Variants in RAP1A observed in about 807,000 individuals in gnomAD.
RAP1A encodes ras-related protein Rap-1A.
RAP1A carries 6 observed loss-of-function variants against 26.4 expected under a neutral mutation model. The observed-to-expected ratio is 0.23, with a 90% CI of 0.12 to 0.45. The LOEUF (loss-of-function observed/expected upper bound fraction) is 0.45. Ranked by LOEUF, RAP1A falls within the 20% of genes least tolerant of loss-of-function variation. The pLI is 0.99. For synonymous variants in RAP1A, 73 were observed against 79.4 expected, an observed-to-expected ratio of 0.92 and a Z score of 0.43; for missense variants, 121 against 217.2, an observed-to-expected ratio of 0.56 and a Z score of 2.78.
chr1:111,695,431 C>G, intron 3 of RAP1A, 22 bp downstream of exon 3: 4 of 1,479,308 alleles, frequency 2.7e-6, no homozygotes, highest in Non-Finnish European at 3.6e-6. Flanking sequence ...AACTTGTACA[C>G]ACATGCTTAC....
At chr1:111,707,860 G>A (rs4484921) in intron 6 of RAP1A, among the ~76,000 whole-genome samples, 2,832 of 152,280 alleles carry the variant, frequency 0.019, 37 homozygotes, top group Non-Finnish European at 0.026. Context: ...ATCCAAAAAT[G>A]AATCCACAAG....
At chr1:111,586,880 G>A (rs189719403) in intron 1 of RAP1A, among the ~76,000 whole-genome samples, 2 of 152,220 alleles carry the variant, frequency 1.3e-5, no homozygotes, top group Admixed American at 6.5e-5. Context: ...AAATCATGGC[G>A]ACCCAACCTT....
chr1:111,710,833 A>C (rs1003399423), intron 7 of RAP1A, among the ~76,000 whole-genome samples: 2 of 151,406 alleles, frequency 1.3e-5, no homozygotes, highest in Admixed American at 1.3e-4. Flanking sequence ...TAATTCAATA[A>C]CTTTTTTTCT....
chr1:111,667,208 C>G (rs1241010221), intron 1 of RAP1A, among the ~76,000 whole-genome samples: 2 of 152,088 alleles, frequency 1.3e-5, no homozygotes, highest in Non-Finnish European at 2.9e-5. Flanking sequence ...CGGTTCTTTG[C>G]TCAGGTCATT....
At chr1:111,647,217 A>C (rs1660098591) in intron 1 of RAP1A, among the ~76,000 whole-genome samples, 1 of 152,206 alleles carries the variant, frequency 6.6e-6, no homozygotes. Context: ...GCATATGTAC[A>C]TAATCTAGCT....
At chr1:111,668,146 C>T (rs758586761) in intron 1 of RAP1A, among the ~76,000 whole-genome samples, 125 of 152,332 alleles carry the variant, frequency 8.2e-4, no homozygotes, top group African/African-American at 2.1e-3. Flanking sequence ...ATCTAAATCA[C>T]ACTTTTTGGG....
At chr1:111,570,274 T>C (rs1328259585) in intron 1 of RAP1A, among the ~76,000 whole-genome samples, 2 of 152,172 alleles carry the variant, frequency 1.3e-5, no homozygotes, top group Non-Finnish European at 2.9e-5. Context: ...CTGAGAATCA[T>C]AGAGTGAAAA....
At chr1:111,699,454 T>A (rs1661944968) in intron 4 of RAP1A, among the ~76,000 whole-genome samples, 1 of 128,760 alleles carries the variant, frequency 7.8e-6, no homozygotes, top group Non-Finnish European at 1.6e-5. Flanking sequence ...TTTATCCATC[T>A]CACTTCCTCT....
At chr1:111,587,163 G>C (rs1658384943) in intron 1 of RAP1A, among the ~76,000 whole-genome samples, 1 of 152,150 alleles carries the variant, frequency 6.6e-6, no homozygotes, top group South Asian at 2.1e-4. Context: ...CTGCATCCAG[G>C]TGGCTACAAG....
chr1:111,588,209 T>C (rs528635763), intron 1 of RAP1A, among the ~76,000 whole-genome samples: 96 of 152,326 alleles, frequency 6.3e-4, no homozygotes, highest in Non-Finnish European at 1.2e-3. Flanking sequence ...ACACATCTGA[T>C]TGGTTACTTA....
chr1:111,567,330 GA>G (rs1657943257), intron 1 of RAP1A, among the ~76,000 whole-genome samples: 1 of 152,196 alleles, frequency 6.6e-6, no homozygotes, highest in South Asian at 2.1e-4. Flanking sequence ...ACACTAGGTA[GA>G]AAATAGGTTT....
At chr1:111,669,968 A>G (rs1175284666) in intron 1 of RAP1A, among the ~76,000 whole-genome samples, 1 of 152,224 alleles carries the variant, frequency 6.6e-6, no homozygotes, top group Admixed American at 6.5e-5. Context: ...AGAAATCAAA[A>G]GACAGTAGAA....
At chr1:111,598,735 G>A (rs945112632) in intron 1 of RAP1A, among the ~76,000 whole-genome samples, 3 of 152,042 alleles carry the variant, frequency 2.0e-5, no homozygotes, top group African/African-American at 7.2e-5. Context: ...GCAAGCAAGC[G>A]AGCAGTTCTG....
intron 1 of RAP1A, among the ~76,000 whole-genome samples, chr1:111,635,232 C>A (rs1001781407): frequency 1.3e-5 from 2 of 152,132 alleles, no homozygotes; most frequent in Non-Finnish European, 2.9e-5. Flanking sequence ...CCTTTTGATT[C>A]TTCTAACTCA....
chr1:111,674,207 G>T (rs377603620), intron 1 of RAP1A, among the ~76,000 whole-genome samples: 9 of 152,252 alleles, frequency 5.9e-5, no homozygotes, highest in South Asian at 2.1e-4. Context: ...GACTGGAAAG[G>T]GGGTAGGGAT....
intron 1 of RAP1A, among the ~76,000 whole-genome samples, chr1:111,677,007 C>T (rs1173591113): frequency 2.0e-5 from 3 of 151,984 alleles, no homozygotes; most frequent in Admixed American, 6.6e-5. Flanking sequence ...TTGGCCAGGC[C>T]GGTCTCGAAC....
At chr1:111,568,697 C>A (rs746024650) in intron 1 of RAP1A, among the ~76,000 whole-genome samples, 4 of 152,122 alleles carry the variant, frequency 2.6e-5, no homozygotes, top group Non-Finnish European at 4.4e-5. Flanking sequence ...CTGCACAGGT[C>A]CACTCACATG....
At chr1:111,543,858 T>C (rs1177929649) in intron 1 of RAP1A, among the ~76,000 whole-genome samples, 1 of 152,196 alleles carries the variant, frequency 6.6e-6, no homozygotes, top group Non-Finnish European at 1.5e-5. Flanking sequence ...TAAGGGTTTA[T>C]TTTAAAGGAT....
intron 1 of RAP1A, among the ~76,000 whole-genome samples, chr1:111,548,703 A>G (rs566346039): frequency 6.6e-6 from 1 of 152,344 alleles, no homozygotes; most frequent in African/African-American, 2.4e-5. Context: ...CGTAGGCTTC[A>G]TATTCAATAT....
Sources: gnomAD v4.1 joint callset for allele counts (sites outside exome capture counted in the v4.1 genomes callset) on GRCh38, gnomAD v4.1.1 for gene constraint, MANE v1.5 for transcripts, NCBI Gene and HGNC (gene_info 2026-07-23, HGNC 2026-07-21) for gene names.